The following AXIN1 variants were observed in gnomAD, a reference collection of about 807,000 sequenced individuals.
The protein encoded by AXIN1 is axin-1.
A neutral mutation model predicts 76.4 loss-of-function variants in AXIN1; 30 were observed. That is an observed-to-expected ratio of 0.39 (90% CI 0.29 to 0.53). AXIN1 has a LOEUF of 0.53. Among genes scored for constraint, AXIN1 ranks in the 20% least tolerant of loss-of-function variants. AXIN1 has a pLI of 0.66. For synonymous variants in AXIN1, 545 were observed against 501.4 expected (o/e 1.09, Z -1.16); for missense variants, 1,140 against 1,198.8 (o/e 0.95, Z 0.72).
At position 299,325 on chromosome 16, in the gene AXIN1, G is replaced by A. The variant is rs538187201; in HGVS notation, c.1255-1074C>T. ...AAATCTGGTGTCAATACAAAAGAAA[G>A]AGAGGGAACTAAGTTACCATGTATC... is the stretch of plus-strand genomic sequence containing the variant. On this transcript the variant is annotated intron_variant, in intron 5 of 10. Transcript: ENST00000262320. The A allele has an allele frequency of 9.2e-4, 721 of 781,674 alleles. 2 individuals carry two copies. The highest frequency in any genetic ancestry group is 1.1e-3 in the Non-Finnish European group (694 of 644,736). 48.4% of individuals were successfully genotyped at this position (781,674 alleles called of 1,614,324 possible).
intron 2 of AXIN1, among the ~76,000 whole-genome samples, chr16:339,196 CAAAAAAAAAAAAAA>C (rs1002630324): frequency 8.7e-5 from 3 of 34,672 alleles, no homozygotes; most frequent in Non-Finnish European, 1.6e-4. Context: ...AGCCTGGTCT[CAAAAAAAAAAAAAA>C]AAAAAAAAAA....
At chr16:292,013 G>A (rs556961583) in intron 8 of AXIN1, 144 of 155,470 alleles carry the variant, frequency 9.3e-4, no homozygotes, top group Non-Finnish European at 1.6e-3. Context: ...TCAGAACGGC[G>A]GGAGTGGTCC....
chr16:348,338 C>T (rs1384155172), intron 1 of AXIN1, among the ~76,000 whole-genome samples: 2 of 152,214 alleles, frequency 1.3e-5, no homozygotes, highest in East Asian at 3.8e-4. Flanking sequence ...GAACAAGTCA[C>T]AGCAAACAAA....
intron 3 of AXIN1, among the ~76,000 whole-genome samples, chr16:310,286 A>G (rs1049456793): frequency 1.3e-5 from 2 of 152,252 alleles, no homozygotes; most frequent in Non-Finnish European, 2.9e-5. Flanking sequence ...GGTAAAGCCC[A>G]GGTGCCCAGC....
At chr16:300,041 G>GT (rs1414388357) in intron 5 of AXIN1, among the ~76,000 whole-genome samples, 1 of 151,952 alleles carries the variant, frequency 6.6e-6, no homozygotes, top group African/African-American at 2.4e-5. Flanking sequence ...CCGGGTTCAA[G>GT]TAATTCTCCT....
At chr16:318,705 T>C (rs541609709) in intron 2 of AXIN1, among the ~76,000 whole-genome samples, 2 of 152,222 alleles carry the variant, frequency 1.3e-5, no homozygotes, top group Non-Finnish European at 2.9e-5. Flanking sequence ...TGTGTGTGCA[T>C]GCCCACGTAT....
At chr16:337,706 G>A (rs149842407) in intron 2 of AXIN1, among the ~76,000 whole-genome samples, 1 of 152,202 alleles carries the variant, frequency 6.6e-6, no homozygotes, top group African/African-American at 2.4e-5. Context: ...ATGCTTCAAC[G>A]GATCACAAAG....
rs4984664 is a variant in AXIN1, at chr16:295,791, C to T, written c.1955+1265G>A. ...AGCCTAACATGGCAACCACCCCCTG[C>T]CCCGGTCTCTACTAAAAATACAAAA... On this transcript the variant is annotated intron_variant, in intron 7 of 10. Transcript: ENST00000262320. Among the ~76,000 whole-genome samples, 1,675 of 151,922 alleles carry T rather than the reference C, an allele frequency of 0.011. 70 individuals are homozygous for T. The East Asian group carries it at 0.14, about 13-fold the overall frequency.
chr16:314,754 T>G, intron 2 of AXIN1, 71 bp from the exon 3 acceptor site: 1 of 1,594,936 alleles, frequency 6.3e-7, no homozygotes, highest in Non-Finnish European at 8.5e-7. Flanking sequence ...CACATTTTCA[T>G]GTTATCTGAA....
intron 7 of AXIN1, among the ~76,000 whole-genome samples, chr16:294,460 CA>C (rs35746106): frequency 0.19 from 9,325 of 48,220 alleles, 183 homozygotes; most frequent in South Asian, 0.24. Flanking sequence ...GACTCCATCT[CA>C]AAAAAAAAAA....
rs761935909 is a variant in AXIN1, at chr16:297,711, C to T, written c.1784+11G>A. On this transcript the variant is annotated intron_variant, in intron 6 of 10. Coordinates refer to ENST00000262320, the MANE Select transcript of AXIN1 (RefSeq NM_003502.4). ...CCCAAGCCCCCTCCTCACTGACAGG[C>T]GCACGCTCACCTGTGGGCGAGGCCA... 27 of 1,592,350 alleles carry T rather than the reference C, an allele frequency of 1.7e-5. No individual in the cohort carries two copies. The highest frequency in any genetic ancestry group is 4.5e-5 in the South Asian group (4 of 89,620).
chr16:341,322 G>A (rs1465368972), intron 2 of AXIN1, among the ~76,000 whole-genome samples: 4 of 152,248 alleles, frequency 2.6e-5, no homozygotes, highest in African/African-American at 7.2e-5. Flanking sequence ...CTGGAGTCCC[G>A]GGTGGGCGTG....
At chr16:308,800 A>C (rs933488905) in intron 4 of AXIN1, among the ~76,000 whole-genome samples, 2 of 152,218 alleles carry the variant, frequency 1.3e-5, no homozygotes, top group Non-Finnish European at 2.9e-5. Context: ...TTAAGTAGAC[A>C]CCATCAGTGC....
chr16:340,151 G>A (rs865863134), intron 2 of AXIN1, among the ~76,000 whole-genome samples: 2 of 152,000 alleles, frequency 1.3e-5, no homozygotes, highest in African/African-American at 2.4e-5. Flanking sequence ...GCACCCCTGC[G>A]GGAACCTGAA....
chr16:329,618 GT>G (rs562589369), intron 2 of AXIN1, among the ~76,000 whole-genome samples: 8 of 147,864 alleles, frequency 5.4e-5, no homozygotes, highest in Non-Finnish European at 7.5e-5. Context: ...GCTAATTTTT[GT>G]TTTTTTTTGT....
intron 2 of AXIN1, among the ~76,000 whole-genome samples, chr16:317,229 G>C (rs1423379361): frequency 1.3e-5 from 2 of 152,214 alleles, no homozygotes; most frequent in Admixed American, 1.3e-4. Flanking sequence ...CTGGGGAGAT[G>C]AGCGAGCACT....
chr16:322,332 A>G (rs1013573320), intron 2 of AXIN1, among the ~76,000 whole-genome samples: 3 of 152,200 alleles, frequency 2.0e-5, no homozygotes, highest in Non-Finnish European at 2.9e-5. Flanking sequence ...ACGGGAGGCA[A>G]TAACTCATGA....
chr16:314,510 C>T (rs371510252), intron 3 of AXIN1, 33 bp downstream of exon 3: 11 of 1,612,272 alleles, frequency 6.8e-6, no homozygotes, highest in East Asian at 2.2e-5. Context: ...CACTGCTGTC[C>T]GTGAGGGACT....
chr16:293,459 A>ACCCAC lies in AXIN1; in HGVS notation c.2186+24_2186+28dup, dbSNP rs1356585853. 1.9e-6 allele frequency: 3 copies of ACCCAC among 1,596,482 alleles called. No homozygotes were observed. The highest frequency in any genetic ancestry group is 1.3e-5 in the African/African-American group (1 of 74,226). On this transcript the variant is annotated intron_variant, in intron 8 of 10. Transcript: ENST00000262320. The surrounding 1 kb of genome is among the most constrained non-coding windows in gnomAD (Gnocchi z 4.6). ...GAGTGGTGCTGTGGTAACCCCCAAG[A>ACCCAC]CCCACCCCACCCCACGACGCGGCCG...
Sources: gnomAD v4.1 joint callset for allele counts (sites outside exome capture counted in the v4.1 genomes callset) on GRCh38, gnomAD v4.1.1 for gene constraint, Gnocchi (gnomAD v3.1) non-coding constraint, MANE v1.5 for transcripts, NCBI Gene and HGNC (gene_info 2026-07-23, HGNC 2026-07-21) for gene names.